Variants in OR51B5 observed in about 807,000 individuals in gnomAD.
OR51B5 encodes olfactory receptor 51B5.
For synonymous variants in OR51B5, 186 were observed against 144.8 expected, an observed-to-expected ratio of 1.28 and a Z score of -2.04; for missense variants, 456 against 374.6, an observed-to-expected ratio of 1.22 and a Z score of -1.79.
chr11:5,413,040 T>G (rs895605872), intron 1 of OR51B5, among the ~76,000 whole-genome samples: 1 of 46,898 alleles, frequency 2.1e-5, no homozygotes, highest in African/African-American at 4.2e-5. Context: ...CACCCCCCAG[T>G]AGGGCAGACT....
chr11:5,378,334 A>ATG (rs1849559191), intron 1 of OR51B5, among the ~76,000 whole-genome samples: 3 of 151,546 alleles, frequency 2.0e-5, no homozygotes, highest in Non-Finnish European at 4.4e-5. Flanking sequence ...AGACTTAAAC[A>ATG]TTAGACCTAA....
At chr11:5,440,596 T>G (rs1167138363) in intron 1 of OR51B5, 5 of 1,613,296 alleles carry the variant, frequency 3.1e-6, no homozygotes, top group Non-Finnish European at 4.2e-6. Context: ...TGGAAGAACT[T>G]GAGAATCCCT....
intron 1 of OR51B5, chr11:5,489,349 A>C: frequency 6.2e-7 from 1 of 1,613,998 alleles, no homozygotes; most frequent in South Asian, 1.1e-5. Flanking sequence ...ACTGGATTCC[A>C]TTCTCATTGC....
intron 1 of OR51B5, among the ~76,000 whole-genome samples, chr11:5,440,013 C>G (rs541817261): frequency 1.3e-5 from 2 of 152,240 alleles, no homozygotes; most frequent in Admixed American, 1.3e-4. Flanking sequence ...AAATCAGTAC[C>G]CTTCTTTCTT....
intron 1 of OR51B5, among the ~76,000 whole-genome samples, chr11:5,348,718 A>T (rs1184837422): frequency 6.6e-6 from 1 of 151,978 alleles, no homozygotes; most frequent in African/African-American, 2.4e-5. Flanking sequence ...ACCCACCCAG[A>T]CGGAGGGTGG....
chr11:5,386,433 G>C (rs1311299758), intron 1 of OR51B5, among the ~76,000 whole-genome samples: 4 of 152,162 alleles, frequency 2.6e-5, no homozygotes, highest in African/African-American at 7.2e-5. Context: ...TTCTCCTTGT[G>C]AAGTAGTAAT....
At chr11:5,413,654 A>G (rs530188214) in intron 1 of OR51B5, among the ~76,000 whole-genome samples, 6 of 152,202 alleles carry the variant, frequency 3.9e-5, no homozygotes, top group South Asian at 4.1e-4. Context: ...CTCAGGAGCC[A>G]ATGCAATCAA....
chr11:5,385,781 GTATA>G (rs1849681765), intron 1 of OR51B5, among the ~76,000 whole-genome samples: 1 of 145,316 alleles, frequency 6.9e-6, no homozygotes, highest in Admixed American at 6.9e-5. Context: ...ACACATATAT[GTATA>G]CCCTATACTT....
At chr11:5,431,217 G>A (rs1055240276) in intron 1 of OR51B5, 6 of 350,820 alleles carry the variant, frequency 1.7e-5, no homozygotes, top group Non-Finnish European at 1.1e-5. Flanking sequence ...GCAGGAGGTT[G>A]TAGATGGCTA....
chr11:5,485,589 C>T (rs1034306395), intron 1 of OR51B5, among the ~76,000 whole-genome samples: 11 of 152,138 alleles, frequency 7.2e-5, no homozygotes, highest in Admixed American at 6.5e-4. Flanking sequence ...GCCTATCTTG[C>T]CTATGCTCCT....
At chr11:5,432,700 G>C (rs894969045) in intron 1 of OR51B5, among the ~76,000 whole-genome samples, 1 of 152,166 alleles carries the variant, frequency 6.6e-6, no homozygotes, top group African/African-American at 2.4e-5. Context: ...TATTGAGTAA[G>C]ATATTTTATT....
chr11:5,438,737 T>C (rs1284297252), intron 1 of OR51B5, among the ~76,000 whole-genome samples: 4 of 152,172 alleles, frequency 2.6e-5, no homozygotes, highest in Non-Finnish European at 5.9e-5. Context: ...CGAGGGCTTA[T>C]TGTATTAAAC....
intron 1 of OR51B5, among the ~76,000 whole-genome samples, chr11:5,394,165 A>C (rs557456273): frequency 1.3e-4 from 20 of 152,256 alleles, no homozygotes; most frequent in African/African-American, 4.8e-4. Context: ...ATGGTTTTTT[A>C]AGCACATATT....
At position 5,421,970 on chromosome 11, in the gene OR51B5, T is replaced by C. The variant is rs1850345905; in HGVS notation, n.85-75060A>G. 8 of 491,002 alleles carry C rather than the reference T, an allele frequency of 1.6e-5. No individual in the cohort carries two copies. The South Asian group carries it at 2.5e-4, about 15-fold the overall frequency. The allele number at this position is 491,002 out of a possible 1,614,324, so 30.4% of individuals were successfully genotyped here. A position where few individuals can be genotyped will look rare whatever the true frequency, so the allele number is the denominator to read the frequency against. On this transcript the variant is annotated intron_variant and non_coding_transcript_variant, in intron 1 of 4. Transcript: ENST00000415970. ...AATTAGAGTTACCCATGAATTAATA[T>C]ATATTCCGTCATCAAGGGAAGATTA... is the stretch of plus-strand genomic sequence containing the variant.
chr11:5,456,717 T>G (rs768733843), intron 1 of OR51B5, among the ~76,000 whole-genome samples: 2 of 152,172 alleles, frequency 1.3e-5, no homozygotes, highest in African/African-American at 4.8e-5. Flanking sequence ...ACCCAGGTAG[T>G]GAGCATATGA....
intron 1 of OR51B5, chr11:5,468,579 A>C: frequency 2.3e-6 from 1 of 438,484 alleles, no homozygotes; most frequent in South Asian, 1.7e-5. Context: ...TTGGAGGTAC[A>C]AAGAGACATG....
At chr11:5,437,745 T>C (rs1850611819) in intron 1 of OR51B5, among the ~76,000 whole-genome samples, 1 of 152,230 alleles carries the variant, frequency 6.6e-6, no homozygotes, top group African/African-American at 2.4e-5. Flanking sequence ...TTAAGTTCTC[T>C]TGCGGGTTTT....
intron 1 of OR51B5, among the ~76,000 whole-genome samples, chr11:5,458,076 T>G (rs1296345328): frequency 2.0e-5 from 3 of 152,200 alleles, no homozygotes; most frequent in Non-Finnish European, 4.4e-5. Context: ...GGTTTTATTC[T>G]AGGATTTTTA....
chr11:5,501,722 C>T (rs1292765798), intron 1 of OR51B5, among the ~76,000 whole-genome samples: 1 of 148,308 alleles, frequency 6.7e-6, no homozygotes, highest in Non-Finnish European at 1.5e-5. Flanking sequence ...ATTATATGCA[C>T]AGAATTTACC....
Sources: allele counts gnomAD v4.1 joint callset (sites outside exome capture counted in the v4.1 genomes callset), GRCh38; gene constraint gnomAD v4.1.1; transcripts MANE v1.5; gene names NCBI Gene and HGNC (gene_info 2026-07-23, HGNC 2026-07-21).